Variants in CDK5RAP2 observed in about 807,000 individuals in gnomAD.
CDK5RAP2 encodes CDK5 regulatory subunit associated protein 2.
CDK5RAP2 carries 147 observed loss-of-function variants against 232.9 expected under a neutral mutation model. The ratio of observed to expected loss-of-function variants is 0.63; its 90% CI spans 0.55 to 0.72. CDK5RAP2 has a LOEUF of 0.72. CDK5RAP2 is among the 30% of genes least tolerant of loss of function. CDK5RAP2 has a pLI of 0.00. For synonymous variants in CDK5RAP2, 833 were observed against 833.7 expected (o/e 1.00, Z 0.01); for missense variants, 2,195 against 2,231.5 (o/e 0.98, Z 0.33).
At chr9:120,434,810 T>C (rs2035481703) in intron 25 of CDK5RAP2, among the ~76,000 whole-genome samples, 1 of 152,194 alleles carries the variant, frequency 6.6e-6, no homozygotes, top group South Asian at 2.1e-4. Flanking sequence ...ATCCTTGGAT[T>C]TGGCAAAGTG....
chr9:120,530,758 C>T (rs2041112563), intron 7 of CDK5RAP2, among the ~76,000 whole-genome samples: 1 of 148,770 alleles, frequency 6.7e-6, no homozygotes, highest in African/African-American at 2.5e-5. Context: ...ATCACAAGGA[C>T]AGAAAACCAA....
In CDK5RAP2 at chr9:120,527,871, T is replaced by C. The variant is rs1213885447; in HGVS notation, c.934A>G (p.Asn312Asp). ...ATGGCTTTATCCCTCTTTAGACTAT[T>C]TTTCTTCTCTGTAGCAATTTCTCTT... ...KEREIATEKK[N>D]SLKRDKAIQG... The change falls in exon 10 of 38, where the codon AAT (asparagine) becomes GAT (aspartate). Residue 312 changes from asparagine (N) to aspartate (D), a missense_variant. Coordinates refer to ENST00000349780, the MANE Select transcript of CDK5RAP2 (RefSeq NM_018249.6). The C allele has an allele frequency of 6.2e-7, 1 of 1,613,954 alleles. No individual in the cohort carries two copies.
At chr9:120,479,067 T>G (rs1442416431) in intron 14 of CDK5RAP2, among the ~76,000 whole-genome samples, 1 of 152,162 alleles carries the variant, frequency 6.6e-6, no homozygotes, top group Non-Finnish European at 1.5e-5. Flanking sequence ...CAGACCCAGT[T>G]TGGAAAGGCT....
At chr9:120,558,616 C>A (rs758178604) in intron 3 of CDK5RAP2, among the ~76,000 whole-genome samples, 6 of 152,204 alleles carry the variant, frequency 3.9e-5, no homozygotes, top group South Asian at 4.1e-4. Flanking sequence ...CACAATATTC[C>A]AGCCTCACTG....
chr9:120,532,655 G>A (rs2041206073), intron 7 of CDK5RAP2: 1 of 152,564 alleles, frequency 6.6e-6, no homozygotes, highest in East Asian at 1.9e-4. Flanking sequence ...CACAAAGAGG[G>A]CCACACCCTG....
intron 35 of CDK5RAP2, 45 bp downstream of exon 35, chr9:120,400,697 C>T: frequency 6.2e-7 from 1 of 1,609,804 alleles, no homozygotes; most frequent in South Asian, 1.1e-5. Flanking sequence ...GAGACACAGG[C>T]CCCAGTGGCA....
At position 120,426,578 on chromosome 9, in the gene CDK5RAP2, C is replaced by G. The variant is rs144321975; in HGVS notation, c.3956-3837G>C. On this transcript the variant is annotated intron_variant, in intron 25 of 37. Coordinates refer to ENST00000349780, the MANE Select transcript of CDK5RAP2 (RefSeq NM_018249.6). ...GGCTTTTCTTATGTGGATGAAGTCC[C>G]AGAGGTGGCCATCCTCAGAGGCAAA... Among the ~76,000 whole-genome samples, 179 of 152,230 alleles carry G rather than the reference C, an allele frequency of 1.2e-3. 1 individual carries two copies. The highest frequency in any genetic ancestry group is 4.2e-3 in the African/African-American group (173 of 41,532).
At chr9:120,448,653 A>C (rs1397178271) in intron 21 of CDK5RAP2, among the ~76,000 whole-genome samples, 1 of 152,092 alleles carries the variant, frequency 6.6e-6, no homozygotes, top group Admixed American at 6.6e-5. Flanking sequence ...CTTCAGCTCC[A>C]TCACCCCGTG....
chr9:120,524,184 A>T (rs2040797637), intron 11 of CDK5RAP2, among the ~76,000 whole-genome samples: 1 of 152,238 alleles, frequency 6.6e-6, no homozygotes, highest in Non-Finnish European at 1.5e-5. Context: ...CTGTTCAGTT[A>T]ACTGAGATAA....
At chr9:120,518,289 T>C in intron 12 of CDK5RAP2, 138 bp downstream of exon 12, 1 of 695,886 alleles carries the variant, frequency 1.4e-6, no homozygotes. Context: ...CAAATGAAGC[T>C]GGTCATTTCT....
chr9:120,442,993 A>AT (rs1778824699), intron 23 of CDK5RAP2, among the ~76,000 whole-genome samples: 1 of 152,304 alleles, frequency 6.6e-6, no homozygotes, highest in South Asian at 2.1e-4. Flanking sequence ...CATAAAAAGA[A>AT]TGTAGGCATT....
At chr9:120,559,570 GAAAAAAAAAA>G (rs777727216) in intron 3 of CDK5RAP2, among the ~76,000 whole-genome samples, 1 of 60,828 alleles carries the variant, frequency 1.6e-5, no homozygotes, top group African/African-American at 5.9e-5. Context: ...AGAGAAACAA[GAAAAAAAAAA>G]AAAAAAAAAC....
intron 25 of CDK5RAP2, among the ~76,000 whole-genome samples, chr9:120,430,127 C>A (rs370193743): frequency 3.9e-5 from 6 of 151,978 alleles, no homozygotes; most frequent in Admixed American, 6.5e-5. Context: ...GGATTAAAGA[C>A]TTAAATGTTA....
intron 25 of CDK5RAP2, among the ~76,000 whole-genome samples, chr9:120,430,140 C>T (rs1474245007): frequency 6.6e-6 from 1 of 151,992 alleles, no homozygotes; most frequent in Admixed American, 6.6e-5. Context: ...AAATGTTAGA[C>T]CTAAAACCAT....
intron 5 of CDK5RAP2, among the ~76,000 whole-genome samples, chr9:120,540,267 CA>C (rs1204671613): frequency 6.6e-6 from 1 of 152,154 alleles, no homozygotes; most frequent in Non-Finnish European, 1.5e-5. Flanking sequence ...TGCAGGTTTC[CA>C]GAAGGCAAAA....
intron 1 of CDK5RAP2, among the ~76,000 whole-genome samples, chr9:120,577,495 T>C (rs535423047): frequency 6.6e-6 from 1 of 152,274 alleles, no homozygotes; most frequent in South Asian, 2.1e-4. Context: ...GTTACGAAGA[T>C]AGATAGTGGT....
intron 2 of CDK5RAP2, among the ~76,000 whole-genome samples, chr9:120,570,770 C>T (rs995101086): frequency 4.4e-4 from 67 of 151,446 alleles, no homozygotes; most frequent in Non-Finnish European, 8.4e-4. Context: ...ACCCACGAGG[C>T]GGAGGTTGCA....
chr9:120,490,037 C>T (rs1252320905), intron 13 of CDK5RAP2, among the ~76,000 whole-genome samples: 3 of 152,180 alleles, frequency 2.0e-5, no homozygotes, highest in African/African-American at 7.2e-5. Context: ...AAACTCCCGA[C>T]CTCGGGTTAT....
At chr9:120,390,728 C>A (rs913375272) in intron 36 of CDK5RAP2, among the ~76,000 whole-genome samples, 1 of 152,168 alleles carries the variant, frequency 6.6e-6, no homozygotes, top group Non-Finnish European at 1.5e-5. Context: ...TCTGGAGCCG[C>A]GCCTTTAGCC....
Sources: allele counts gnomAD v4.1 joint callset (sites outside exome capture counted in the v4.1 genomes callset), GRCh38; gene constraint gnomAD v4.1.1; transcripts MANE v1.5; gene names NCBI Gene and HGNC (gene_info 2026-07-23, HGNC 2026-07-21).